Variants in SMYD3 observed in about 807,000 individuals in gnomAD.
The protein encoded by SMYD3 is SET and MYND domain containing 3.
In SMYD3, 36 loss-of-function variants were observed where a neutral mutation model predicts 57.7. The ratio of observed to expected loss-of-function variants is 0.62; its 90% CI spans 0.48 to 0.82. The LOEUF (loss-of-function observed/expected upper bound fraction) is 0.82, where lower values mean the gene tolerates loss of function less well. Ranked by LOEUF, SMYD3 falls within the 40% of genes least tolerant of loss-of-function variation. The pLI is 0.00. For synonymous variants in SMYD3, 211 were observed against 195.0 expected (o/e 1.08, Z -0.68); for missense variants, 515 against 538.8 (o/e 0.96, Z 0.44).
intron 5 of SMYD3, among the ~76,000 whole-genome samples, chr1:246,047,822 G>A (rs544946352): frequency 2.1e-4 from 31 of 148,334 alleles, no homozygotes; most frequent in African/African-American, 7.6e-4. Context: ...CCTGGCAACA[G>A]AGTGAGACCC....
intron 5 of SMYD3, among the ~76,000 whole-genome samples, chr1:246,253,131 T>C (rs2063822359): frequency 6.9e-6 from 1 of 144,966 alleles, no homozygotes; most frequent in Non-Finnish European, 1.5e-5. Flanking sequence ...TTTTGAACTT[T>C]AATTTTAGAA....
chr1:245,931,795 A>C (rs1019563993), intron 5 of SMYD3, among the ~76,000 whole-genome samples: 4 of 152,236 alleles, frequency 2.6e-5, no homozygotes, highest in African/African-American at 7.2e-5. Context: ...GAGTCCTCTG[A>C]GACTCTTCCA....
chr1:245,939,172 TA>T (rs71652710), intron 5 of SMYD3, among the ~76,000 whole-genome samples: 24,789 of 148,234 alleles, frequency 0.17, 2,923 homozygotes, highest in East Asian at 0.52. Flanking sequence ...TAAAAAAATT[TA>T]AAAAAAAAAG....
chr1:246,107,596 G>A (rs537057795), intron 5 of SMYD3, among the ~76,000 whole-genome samples: 1 of 151,866 alleles, frequency 6.6e-6, no homozygotes, highest in African/African-American at 2.4e-5. Context: ...GGGGAAATTA[G>A]CTCATTCAAA....
intron 1 of SMYD3, among the ~76,000 whole-genome samples, chr1:246,465,255 G>A (rs900264528): frequency 5.3e-5 from 8 of 152,144 alleles, no homozygotes; most frequent in Non-Finnish European, 2.9e-5. Flanking sequence ...TCAGACCCAA[G>A]GGATATGGCA....
At chr1:246,163,693 T>C (rs1478733598) in intron 5 of SMYD3, among the ~76,000 whole-genome samples, 1 of 152,192 alleles carries the variant, frequency 6.6e-6, no homozygotes, top group Non-Finnish European at 1.5e-5. Context: ...TCTTGAGAAA[T>C]AAATTTAGCT....
intron 5 of SMYD3, among the ~76,000 whole-genome samples, chr1:246,239,299 C>G (rs1410126093): frequency 6.6e-6 from 1 of 152,104 alleles, no homozygotes; most frequent in African/African-American, 2.4e-5. Flanking sequence ...ACCCTGTGTC[C>G]AAGTGTTCTC....
At chr1:246,350,556 C>T (rs1206644542) in intron 2 of SMYD3, among the ~76,000 whole-genome samples, 3 of 152,134 alleles carry the variant, frequency 2.0e-5, no homozygotes, top group Non-Finnish European at 2.9e-5. Flanking sequence ...GGATGAGAAT[C>T]GGAGATGACA....
chr1:245,915,115 C>G (rs529285366), intron 8 of SMYD3, among the ~76,000 whole-genome samples: 15 of 152,152 alleles, frequency 9.9e-5, no homozygotes, highest in Non-Finnish European at 2.2e-4. Flanking sequence ...CTCAACAAAC[C>G]TGATTTTATT....
rs150240155 is a variant in SMYD3, at chr1:246,377,097, AAATAAT to A, written c.165-22009_165-22004del. Among the ~76,000 whole-genome samples the A allele has an allele frequency of 2.5e-4, 38 of 152,198 alleles. No individual in the cohort carries two copies. In the East Asian group the frequency reaches 6.0e-3, roughly 24 times the overall value. On this transcript the variant is annotated intron_variant, in intron 1 of 11. Coordinates refer to ENST00000490107, the MANE Select transcript of SMYD3 (RefSeq NM_001167740.2). ...CCTGGGCGACAGAGGCTTTGTCTCA[AAATAAT>A]AATAATAACGTATTAATTCATTCAA...
At chr1:245,981,087 C>T (rs1047570587) in intron 5 of SMYD3, among the ~76,000 whole-genome samples, 15 of 152,184 alleles carry the variant, frequency 9.9e-5, no homozygotes, top group Admixed American at 9.8e-4. Context: ...TAAAATTAAG[C>T]TTGAAGAGGA....
At chr1:245,797,828 CAAAAAAAA>C (rs559088835) in intron 10 of SMYD3, among the ~76,000 whole-genome samples, 2 of 109,436 alleles carry the variant, frequency 1.8e-5, no homozygotes, top group African/African-American at 3.8e-5. Flanking sequence ...TTCCGGGTTC[CAAAAAAAA>C]AAAAAAAAAA....
chr1:246,268,044 T>G (rs2064144473), intron 5 of SMYD3, among the ~76,000 whole-genome samples: 1 of 152,160 alleles, frequency 6.6e-6, no homozygotes, highest in Non-Finnish European at 1.5e-5. Context: ...CAATTGGGAA[T>G]TGTATTGTCA....
chr1:246,418,259 T>A (rs1278138964), intron 1 of SMYD3, among the ~76,000 whole-genome samples: 1 of 152,210 alleles, frequency 6.6e-6, no homozygotes. Context: ...AAATATTATA[T>A]GGTTCCACTT....
chr1:245,979,164 T>C (rs1254866318), intron 5 of SMYD3, among the ~76,000 whole-genome samples: 1 of 152,026 alleles, frequency 6.6e-6, no homozygotes, highest in Non-Finnish European at 1.5e-5. Flanking sequence ...AGAAATAGCT[T>C]GAAGAAAGAA....
chr1:246,252,655 C>G (rs1364356953), intron 5 of SMYD3, among the ~76,000 whole-genome samples: 1 of 152,180 alleles, frequency 6.6e-6, no homozygotes, highest in Non-Finnish European at 1.5e-5. Context: ...CCACCTGGTT[C>G]TAAAGACGTC....
intron 2 of SMYD3, among the ~76,000 whole-genome samples, chr1:246,347,751 T>C (rs1423981186): frequency 1.3e-5 from 2 of 152,068 alleles, no homozygotes; most frequent in Non-Finnish European, 2.9e-5. Context: ...TCACTACATA[T>C]AGCCATCTTA....
intron 1 of SMYD3, among the ~76,000 whole-genome samples, chr1:246,377,010 G>A (rs893464366): frequency 6.6e-6 from 1 of 152,094 alleles, no homozygotes; most frequent in Non-Finnish European, 1.5e-5. Context: ...TGAGGCAGGA[G>A]AATCACTTGA....
At chr1:245,872,084 A>T (rs2052224397) in intron 8 of SMYD3, among the ~76,000 whole-genome samples, 1 of 152,240 alleles carries the variant, frequency 6.6e-6, no homozygotes, top group Non-Finnish European at 1.5e-5. Context: ...ATCCCTGTGC[A>T]CTTCCCACTG....
Sources: allele counts gnomAD v4.1 joint callset (sites outside exome capture counted in the v4.1 genomes callset), GRCh38; gene constraint gnomAD v4.1.1; transcripts MANE v1.5; gene names NCBI Gene and HGNC (gene_info 2026-07-23, HGNC 2026-07-21).